KIRREL3: variants seen among roughly 807,000 people sequenced by gnomAD.
The protein encoded by KIRREL3 is kirre like nephrin family adhesion molecule 3, also known as kin of IRRE-like protein 3.
Under a neutral mutation model 89.7 loss-of-function variants are expected in KIRREL3, and 36 were observed. The observed-to-expected ratio is 0.40, with a 90% confidence interval of 0.31 to 0.53. The LOEUF is 0.53. Ranked by LOEUF, KIRREL3 falls within the 20% of genes least tolerant of loss-of-function variation. The pLI, the probability that KIRREL3 is intolerant of heterozygous loss-of-function variation, is 0.49. For missense variants in KIRREL3, 864 were observed against 1,056.6 expected (o/e 0.82, Z 2.53); for synonymous variants, 445 against 441.4 (o/e 1.01, Z -0.10).
intron 1 of KIRREL3, among the ~76,000 whole-genome samples, chr11:126,777,671 C>T (rs1404048620): frequency 6.6e-6 from 1 of 152,126 alleles, no homozygotes; most frequent in Admixed American, 6.5e-5. Context: ...AAAATCAGAC[C>T]CCTTTGTGAA....
At chr11:126,503,712 G>A (rs575492058) in intron 4 of KIRREL3, among the ~76,000 whole-genome samples, 3 of 152,076 alleles carry the variant, frequency 2.0e-5, no homozygotes, top group Admixed American at 1.3e-4. Context: ...AAGCTCATCA[G>A]GGTGGAACCC....
intron 1 of KIRREL3, among the ~76,000 whole-genome samples, chr11:126,658,326 T>C (rs1309658806): frequency 6.6e-6 from 1 of 152,204 alleles, no homozygotes; most frequent in Non-Finnish European, 1.5e-5. Context: ...CTAGGGAAAC[T>C]CATAACCCCA....
intron 1 of KIRREL3, among the ~76,000 whole-genome samples, chr11:126,835,688 G>A: frequency 6.6e-6 from 1 of 152,216 alleles, no homozygotes; most frequent in East Asian, 1.9e-4. Flanking sequence ...AGTGTACCTA[G>A]GAGATGGGTA....
At chr11:126,815,100 G>A (rs569656533) in intron 1 of KIRREL3, among the ~76,000 whole-genome samples, 87 of 152,206 alleles carry the variant, frequency 5.7e-4, no homozygotes, top group African/African-American at 2.0e-3. Flanking sequence ...AGTCTCTTAC[G>A]GTGTTGGCTT....
chr11:126,638,066 G>A (rs1011585153), intron 1 of KIRREL3, among the ~76,000 whole-genome samples: 1 of 152,196 alleles, frequency 6.6e-6, no homozygotes, highest in Non-Finnish European at 1.5e-5. Flanking sequence ...TCAACAAATG[G>A]AAACCTGTAA....
At chr11:126,885,854 T>G (rs1158837778) in intron 1 of KIRREL3, among the ~76,000 whole-genome samples, 16 of 152,184 alleles carry the variant, frequency 1.1e-4, no homozygotes, top group African/African-American at 3.6e-4. Flanking sequence ...CAACAAATGT[T>G]TCATCTAAAA....
Position 126,639,631 on chromosome 11 carries a change from G to A in KIRREL3, c.56-76719C>T, listed in dbSNP as rs756299634. On this transcript the variant is annotated intron_variant, in intron 1 of 16. Transcript: ENST00000525144. The surrounding 1 kb of genome is among the most constrained non-coding windows in gnomAD (Gnocchi z 4.3). ...CGGCTAATCCTGACTCTATTCTTTC[G>A]TCTGCTCTGCTAGCTGGCCCTACTT... Among the ~76,000 whole-genome samples the A allele has an allele frequency of 4.6e-5, 7 of 152,266 alleles. No homozygotes were observed. Among genetic ancestry groups the A allele is most frequent in the African/African-American group, 7.2e-5 (3 of 41,550 alleles).
chr11:126,731,106 G>C (rs759727562), intron 1 of KIRREL3, among the ~76,000 whole-genome samples: 2 of 152,152 alleles, frequency 1.3e-5, no homozygotes, highest in Admixed American at 1.3e-4. Context: ...TCTCTTTGCT[G>C]CCTCCTGCGA....
At position 126,697,156 on chromosome 11, in the gene KIRREL3, C is replaced by T. The variant is rs1445858708; in HGVS notation, c.56-134244G>A. On this transcript the variant is annotated intron_variant, in intron 1 of 16. Coordinates refer to ENST00000525144, the MANE Select transcript of KIRREL3 (RefSeq NM_032531.4). This position sits in a 1 kb window ranked among gnomAD's most constrained non-coding sequence, Gnocchi z 4.2. ...AATGAAGGCTTAGTCACTTCCTCCG[C>T]TGGTCCCCCAGACCTGTGTTCACCT... 6.6e-6 allele frequency among the ~76,000 whole-genome samples: 1 copy of T among 152,204 alleles called. No individual in the cohort carries two copies. The highest frequency in any genetic ancestry group is 1.5e-5 in the Non-Finnish European group (1 of 68,038).
chr11:126,667,814 A>G (rs149042144), intron 1 of KIRREL3, among the ~76,000 whole-genome samples: 1 of 152,222 alleles, frequency 6.6e-6, no homozygotes, highest in Non-Finnish European at 1.5e-5. Flanking sequence ...CACTTTGGGC[A>G]GGAGTGGGAT....
At chr11:126,446,910 CA>C (rs1336346377) in intron 8 of KIRREL3, 24 bp from the exon 9 acceptor site, 2 of 1,600,716 alleles carry the variant, frequency 1.2e-6, no homozygotes, top group Non-Finnish European at 1.7e-6. Flanking sequence ...AAGAAGAAGA[CA>C]GGTTCAGGTG....
chr11:126,841,483 G>A (rs1042038838), intron 1 of KIRREL3, among the ~76,000 whole-genome samples: 9 of 152,204 alleles, frequency 5.9e-5, no homozygotes, highest in African/African-American at 1.9e-4. Context: ...TGTGGTGTCT[G>A]AGCTTATTGA....
At chr11:126,716,994 T>C (rs1419155195) in intron 1 of KIRREL3, among the ~76,000 whole-genome samples, 1 of 152,102 alleles carries the variant, frequency 6.6e-6, no homozygotes, top group African/African-American at 2.4e-5. Context: ...GACAGATGAA[T>C]GACCAATGGG....
chr11:126,823,545 G>C (rs1943297161), intron 1 of KIRREL3, among the ~76,000 whole-genome samples: 1 of 152,180 alleles, frequency 6.6e-6, no homozygotes, highest in Non-Finnish European at 1.5e-5. Context: ...GCTCCTCAGA[G>C]AGCAGAATCC....
chr11:126,580,276 C>T (rs1160331347), intron 1 of KIRREL3, among the ~76,000 whole-genome samples: 2 of 152,172 alleles, frequency 1.3e-5, no homozygotes, highest in Non-Finnish European at 2.9e-5. Context: ...AACATTTCAG[C>T]CCCCAGAGGA....
Position 126,635,588 on chromosome 11 carries a change from G to A in KIRREL3, c.56-72676C>T, listed in dbSNP as rs1944232136. Reference sequence around the variant, plus strand: ...GTTCCCATTGTACACCCCCAGCAACGAGCCCCCCTGCCAGCCCAGAGTAAC... The same window carrying A: ...GTTCCCATTGTACACCCCCAGCAACAAGCCCCCCTGCCAGCCCAGAGTAAC... On this transcript the variant is annotated intron_variant, in intron 1 of 16. Transcript: ENST00000525144. This position sits in a 1 kb window ranked among gnomAD's most constrained non-coding sequence, Gnocchi z 4.0. 1.3e-5 allele frequency among the ~76,000 whole-genome samples: 2 copies of A among 152,070 alleles called. No individual in the cohort carries two copies. The highest frequency in any genetic ancestry group is 1.9e-4 in the East Asian group (1 of 5,192).
At chr11:126,850,172 A>T (rs1944295166) in intron 1 of KIRREL3, among the ~76,000 whole-genome samples, 3 of 152,236 alleles carry the variant, frequency 2.0e-5, no homozygotes, top group Non-Finnish European at 4.4e-5. Flanking sequence ...AACAGCTCCC[A>T]TCTGCAGAGC....
intron 1 of KIRREL3, among the ~76,000 whole-genome samples, chr11:126,707,667 G>A (rs772570794): frequency 2.6e-5 from 4 of 152,056 alleles, no homozygotes; most frequent in East Asian, 1.9e-4. Flanking sequence ...TGTCAGTCCC[G>A]GATAGAATGC....
At chr11:126,481,215 T>G (rs777704806) in intron 4 of KIRREL3, among the ~76,000 whole-genome samples, 5 of 152,214 alleles carry the variant, frequency 3.3e-5, no homozygotes, top group Non-Finnish European at 7.3e-5. Flanking sequence ...AGATACATCC[T>G]AAATTGGCCT....
Sources: gnomAD v4.1 joint callset for allele counts (sites outside exome capture counted in the v4.1 genomes callset) on GRCh38, gnomAD v4.1.1 for gene constraint, Gnocchi (gnomAD v3.1) non-coding constraint, MANE v1.5 for transcripts, NCBI Gene and HGNC (gene_info 2026-07-23, HGNC 2026-07-21) for gene names.